The following DES variants were observed in gnomAD, a reference collection of about 807,000 sequenced individuals.
The protein encoded by DES is cardiomyopathy, dilated 1F (autosomal dominant).
DES carries 34 observed loss-of-function variants against 55.1 expected under a neutral mutation model. That is an observed-to-expected ratio of 0.62 (90% CI 0.47 to 0.82). DES has a LOEUF of 0.82. Ranked by LOEUF, DES falls within the 40% of genes least tolerant of loss-of-function variation. The probability of loss-of-function intolerance (pLI) is 0.00; values close to 1 mark genes in which losing one functional copy is unlikely to be tolerated. For missense variants in DES, 596 were observed against 645.9 expected, an observed-to-expected ratio of 0.92 and a Z score of 0.84; for synonymous variants, 259 against 270.8, an observed-to-expected ratio of 0.96 and a Z score of 0.43.
chr2:219,425,780 G>A, intron 8 of DES, 35 bp downstream of exon 8: 1 of 1,606,886 alleles, frequency 6.2e-7, no homozygotes, highest in East Asian at 2.2e-5. Context: ...ACCCTTGGTG[G>A]GGGCTATGGA....
Position 219,419,968 on chromosome 2 carries a change from G to A in DES, c.579-127G>A, listed in dbSNP as rs1009542427. 8.2e-6 allele frequency: 8 copies of A among 978,528 alleles called. No individual in the cohort carries two copies. The highest frequency in any genetic ancestry group is 1.3e-5 in the Non-Finnish European group (8 of 617,904). 60.6% of individuals were successfully genotyped at this position (978,528 alleles called of 1,614,324 possible). ...GGCCTCTCCACTCCCTGTCTCTCCT[G>A]CCTCTACCCAGCAGCCAGGCCCTCC... On this transcript the variant is annotated intron_variant, in intron 1 of 8. Transcript: ENST00000373960. The surrounding 1 kb of genome is among the most constrained non-coding windows in gnomAD (Gnocchi z 4.3).
intron 6 of DES, among the ~76,000 whole-genome samples, chr2:219,421,848 G>A (rs1954451212): frequency 6.6e-6 from 1 of 151,970 alleles, no homozygotes; most frequent in African/African-American, 2.4e-5. Context: ...TGTATTTTTA[G>A]TAGAGACGGG....
rs774435644 is a variant in DES at position 219,420,356 on chromosome 2, G to C, written c.735+10G>C. 2 of 1,613,648 alleles carry C rather than the reference G, an allele frequency of 1.2e-6. No individual in the cohort carries two copies. Among genetic ancestry groups the C allele is most frequent in the Non-Finnish European group, 1.7e-6 (2 of 1,179,852 alleles). On this transcript the variant is annotated intron_variant, in intron 3 of 8. Transcript: ENST00000373960. This position sits in a 1 kb window ranked among gnomAD's most constrained non-coding sequence, Gnocchi z 6.0. ...GAAAGTGCATGAAGAGGTATACCTT[G>C]GCCCCTCTTCCTGGGGTCACTGGGC... is the stretch of plus-strand genomic sequence containing the variant.
At position 219,419,559 on chromosome 2, in the gene DES, CTG is replaced by C. The variant is rs758828371; in HGVS notation, c.578+523_578+524del. Among the ~76,000 whole-genome samples the C allele has an allele frequency of 2.4e-4, 36 of 152,250 alleles. No individual in the cohort carries two copies. The highest frequency in any genetic ancestry group is 5.3e-4 in the African/African-American group (22 of 41,544). On this transcript the variant is annotated intron_variant, in intron 1 of 8. Coordinates refer to ENST00000373960, the MANE Select transcript of DES (RefSeq NM_001927.4). The surrounding 1 kb of genome is among the most constrained non-coding windows in gnomAD (Gnocchi z 4.3). Reference sequence around the variant, plus strand: ...GCTTGGCCCTGGGGCCTTGCCGAGACTGTGTCTTTTTACAAGGTGAATGGACA... The same window carrying C: ...GCTTGGCCCTGGGGCCTTGCCGAGACTGTCTTTTTACAAGGTGAATGGACA...
At chr2:219,425,222 C>G in intron 7 of DES, 2 of 209,864 alleles carry the variant, frequency 9.5e-6, no homozygotes, top group South Asian at 8.4e-5. Flanking sequence ...GAGATAGGTA[C>G]TGTAAGGTCC....
At chr2:219,422,418 AAGGGACAC>A (rs944091245) in intron 6 of DES, among the ~76,000 whole-genome samples, 2 of 151,592 alleles carry the variant, frequency 1.3e-5, no homozygotes, top group African/African-American at 4.8e-5. Flanking sequence ...TACAACTGGA[AAGGGACAC>A]CAGGGAACCT....
intron 6 of DES, among the ~76,000 whole-genome samples, chr2:219,421,895 A>G (rs1954452411): frequency 6.6e-6 from 1 of 151,908 alleles, no homozygotes; most frequent in Admixed American, 6.6e-5. Flanking sequence ...CGAACTCCTG[A>G]CCTCAGGTGA....
intron 7 of DES, 148 bp downstream of exon 7, chr2:219,423,968 G>T: frequency 1.2e-6 from 1 of 835,810 alleles, no homozygotes. Flanking sequence ...ACCACTGCGG[G>T]TAGGTGGGGG....
chr2:219,422,390 T>C (rs914706914), intron 6 of DES, among the ~76,000 whole-genome samples: 21 of 150,358 alleles, frequency 1.4e-4, no homozygotes, highest in African/African-American at 5.1e-4. Flanking sequence ...AACCCACCTC[T>C]AGACACAGAA....
Position 219,426,298 on chromosome 2 carries a change from C to A in DES, c.*308C>A, listed in dbSNP as rs140222667. On this transcript the variant is annotated 3_prime_UTR_variant, in exon 9 of 9. Transcript: ENST00000373960. The surrounding 1 kb of genome is among the most constrained non-coding windows in gnomAD (Gnocchi z 4.5). ...AGCGGTGGCCCTGTCCCTCCCACCT[C>A]TGTGACCTCAGGCACTAGCCTTTGG... The A allele has an allele frequency of 8.0e-4, 433 of 543,470 alleles. 1 individual carries two copies. The highest frequency in any genetic ancestry group is 7.5e-3 in the African/African-American group (397 of 52,924). 33.7% of individuals were successfully genotyped at this position (543,470 alleles called of 1,614,324 possible).
rs1954436876 is a variant in DES at position 219,421,327 on chromosome 2, C to G, written c.1024-13C>G. 6.2e-7 allele frequency: 1 copy of G among 1,613,760 alleles called. No homozygotes were observed. Among genetic ancestry groups the G allele is most frequent in the African/African-American group, 1.3e-5 (1 of 74,892 alleles). On this transcript the variant is annotated splice_polypyrimidine_tract_variant and intron_variant, in intron 5 of 8. Transcript: ENST00000373960. ...TCTTCCCTTCCTTGACCTGGGTTCC[C>G]CCTCTCCTGCAGAACGATTCCCTGA...
Position 219,419,983 on chromosome 2 carries a change from C to G in DES, c.579-112C>G, listed in dbSNP as rs1954402844. 1 of 1,147,814 alleles carries G rather than the reference C, an allele frequency of 8.7e-7. No homozygotes were observed. 71.1% of individuals were successfully genotyped at this position (1,147,814 alleles called of 1,614,324 possible). Reference sequence around the variant, plus strand: ...TGTCTCTCCTGCCTCTACCCAGCAGCCAGGCCCTCCCGCTCTGTCCTGGAC... The same window carrying G: ...TGTCTCTCCTGCCTCTACCCAGCAGGCAGGCCCTCCCGCTCTGTCCTGGAC... On this transcript the variant is annotated intron_variant, in intron 1 of 8. Coordinates refer to ENST00000373960, the MANE Select transcript of DES (RefSeq NM_001927.4). This position sits in a 1 kb window ranked among gnomAD's most constrained non-coding sequence, Gnocchi z 4.3.
intron 7 of DES, 93 bp downstream of exon 7, chr2:219,423,913 C>T (rs1460419830): frequency 1.4e-6 from 2 of 1,397,882 alleles, no homozygotes; most frequent in African/African-American, 1.4e-5. Flanking sequence ...GAGGATGGGA[C>T]CCTGGGGCTA....
At position 219,420,301 on chromosome 2, in the gene DES, ATC is replaced by A; in HGVS notation, c.695_696del (p.Leu232GlnfsTer8). The A allele has an allele frequency of 6.2e-7, 1 of 1,614,140 alleles. No homozygotes were observed. Among genetic ancestry groups the A allele is most frequent in the Non-Finnish European group, 8.5e-7 (1 of 1,180,032 alleles). On this transcript the variant is annotated frameshift_variant, in exon 3 of 9. Transcript: ENST00000373960. LOFTEE classifies it high-confidence loss of function. The surrounding 1 kb of genome is among the most constrained non-coding windows in gnomAD (Gnocchi z 6.0). ...ARIDLERRIE[S>X]LNEEIAFLKK... ...GCATTGACCTGGAGCGCAGAATTGA[ATC>A]TCTCAACGAGGAGATCGCGTTCCTT...
At position 219,420,198 on chromosome 2, in the gene DES, TCTGCC is replaced by T; in HGVS notation, c.639+45_640-47del. 1 of 1,613,970 alleles carries T rather than the reference TCTGCC, an allele frequency of 6.2e-7. No homozygotes were observed. The highest frequency in any genetic ancestry group is 1.3e-5 in the African/African-American group (1 of 75,066). On this transcript the variant is annotated intron_variant, in intron 2 of 8. Transcript: ENST00000373960. The surrounding 1 kb of genome is among the most constrained non-coding windows in gnomAD (Gnocchi z 6.0). ...CCCCTTGCATGGCCTCTGGCCTTGC[TCTGCC>T]CCACCTGGGTGGCGGTGACCATGTC...
Position 219,420,216 on chromosome 2 carries a change from C to T in DES, c.640-35C>T, listed in dbSNP as rs141013041. 1,494 of 1,613,970 alleles carry T rather than the reference C, an allele frequency of 9.3e-4. 10 individuals are homozygous for T. In the East Asian group the frequency reaches 0.019, roughly 21 times the overall value. On this transcript the variant is annotated intron_variant, in intron 2 of 8. Transcript: ENST00000373960. This position sits in a 1 kb window ranked among gnomAD's most constrained non-coding sequence, Gnocchi z 6.0. ...GCCTTGCTCTGCCCCACCTGGGTGG[C>T]GGTGACCATGTCCTTCTCGCTTGGC...
rs1954385758 is a variant in DES, at chr2:219,419,092, CT to C, written c.578+53del. 1.3e-6 allele frequency: 2 copies of C among 1,535,078 alleles called. No homozygotes were observed. The highest frequency in any genetic ancestry group is 1.7e-6 in the Non-Finnish European group (2 of 1,146,514). The stretch of plus-strand genomic sequence containing the variant: ...CTTTCTGCGGGCAGGGCACAGGAGG[CT>C]AGGCCTGGGGTCTGGGGTCCCGCTG... On this transcript the variant is annotated intron_variant, in intron 1 of 8. Coordinates refer to ENST00000373960, the MANE Select transcript of DES (RefSeq NM_001927.4). This position sits in a 1 kb window ranked among gnomAD's most constrained non-coding sequence, Gnocchi z 4.3.
In DES at chr2:219,418,685, G is replaced by A. The variant is rs1388457268; in HGVS notation, c.223G>A (p.Gly75Arg). The A allele has an allele frequency of 6.4e-7, 1 of 1,573,730 alleles. No individual in the cohort carries two copies. The highest frequency in any genetic ancestry group is 2.3e-5 in the East Asian group (1 of 43,020). ...GGGGTCGCTGCGGGCCAGCCGGCTG[G>A]GGACCACCCGCACGCCCTCCTCCTA... The part of the protein sequence containing the change: ...GLGSLRASRL[G>R]TTRTPSSYGA... Residue 75 changes from glycine to arginine, a missense_variant, in exon 1 of 9, where the codon GGG becomes AGG. Gly to Arg is a moderately radical substitution (Grantham distance 125, BLOSUM62 -2). Transcript: ENST00000373960.
Position 219,419,087 on chromosome 2 carries a change from G to A in DES, c.578+47G>A. 1 of 1,535,276 alleles carries A rather than the reference G, an allele frequency of 6.5e-7. No individual in the cohort carries two copies. The highest frequency in any genetic ancestry group is 1.4e-5 in the African/African-American group (1 of 73,102). ...CTCCTCTTTCTGCGGGCAGGGCACA[G>A]GAGGCTAGGCCTGGGGTCTGGGGTC... On this transcript the variant is annotated intron_variant, in intron 1 of 8. Transcript: ENST00000373960. The surrounding 1 kb of genome is among the most constrained non-coding windows in gnomAD (Gnocchi z 4.3).
Sources: gnomAD v4.1 joint callset for allele counts (sites outside exome capture counted in the v4.1 genomes callset) on GRCh38, gnomAD v4.1.1 for gene constraint, Gnocchi (gnomAD v3.1) non-coding constraint, MANE v1.5 for transcripts, NCBI Gene and HGNC (gene_info 2026-07-23, HGNC 2026-07-21) for gene names.